ECRG4: variants seen among roughly 807,000 people sequenced by gnomAD.
The protein encoded by ECRG4 is ECRG4 augurin precursor.
In ECRG4, 18 loss-of-function variants were observed where a neutral mutation model predicts 15.8. The ratio of observed to expected loss-of-function variants is 1.14; its 90% CI spans 0.79 to 1.69. ECRG4 has a LOEUF of 1.69. ECRG4 is among the 40% of genes most tolerant of loss of function. The pLI is 0.00. For synonymous variants in ECRG4, 82 were observed against 73.9 expected (o/e 1.11, Z -0.56); for missense variants, 200 against 190.9 (o/e 1.05, Z -0.28).
intron 1 of ECRG4, among the ~76,000 whole-genome samples, chr2:106,071,377 A>G (rs1309838759): frequency 4.2e-4 from 61 of 145,552 alleles, no homozygotes; most frequent in African/African-American, 8.7e-4. Flanking sequence ...AAAAGAAAAT[A>G]AAAAAAAAAT....
upstream of ECRG4, chr2:106,065,545 G>A (rs1019590949): frequency 5.3e-6 from 2 of 380,362 alleles, no homozygotes; most frequent in Non-Finnish European, 9.3e-6. Context: ...TTGGGGCCGG[G>A]GCGGGAGAGA....
At chr2:106,071,914 A>G (rs1676380578) in intron 2 of ECRG4, 23 bp downstream of exon 2, 2 of 1,597,304 alleles carry the variant, frequency 1.3e-6, no homozygotes, top group Non-Finnish European at 1.7e-6. Flanking sequence ...CAAATGGATA[A>G]GGGATGCATT....
At chr2:106,067,150 G>T (rs932281213) in intron 1 of ECRG4, among the ~76,000 whole-genome samples, 1 of 138,068 alleles carries the variant, frequency 7.2e-6, no homozygotes, top group African/African-American at 2.7e-5. Flanking sequence ...AAAAATGCCA[G>T]ACGTGATGGC....
intron 3 of ECRG4, 46 bp from the exon 4 acceptor site, chr2:106,077,719 C>A: frequency 1.9e-6 from 3 of 1,571,148 alleles, no homozygotes; most frequent in Non-Finnish European, 2.6e-6. Context: ...TAGGGGACTG[C>A]ATGACCTTAA....
At chr2:106,071,322 TAAAAAAAAAAAAAAAAAA>T (rs10649647) in intron 1 of ECRG4, among the ~76,000 whole-genome samples, 1 of 78,328 alleles carries the variant, frequency 1.3e-5, no homozygotes, top group Admixed American at 1.3e-4. Flanking sequence ...GGTAAGGCTG[TAAAAAAAAAAAAAAAAAA>T]AAAAAAAAAA....
intron 3 of ECRG4, among the ~76,000 whole-genome samples, chr2:106,074,682 C>T (rs554142904): frequency 6.6e-6 from 1 of 152,338 alleles, no homozygotes. Context: ...ATAGATGCTG[C>T]CGCATGGGCA....
chr2:106,065,606 G>A, upstream of ECRG4: 1 of 476,462 alleles, frequency 2.1e-6, no homozygotes. Flanking sequence ...TTGGCCCTCA[G>A]CCCTCTGGCG....
intron 1 of ECRG4, among the ~76,000 whole-genome samples, chr2:106,068,021 T>G (rs1676261961): frequency 1.3e-5 from 2 of 150,664 alleles, no homozygotes; most frequent in Admixed American, 1.3e-4. Flanking sequence ...TTTCTTTTAA[T>G]TTTTAGTAGA....
At chr2:106,065,883 G>T in intron 1 of ECRG4, 40 bp downstream of exon 1, 2 of 1,449,936 alleles carry the variant, frequency 1.4e-6, no homozygotes, top group Non-Finnish European at 1.8e-6. Context: ...AGCGGCACCA[G>T]GGGTTGGCCC....
chr2:106,073,021 A>T, intron 2 of ECRG4, among the ~76,000 whole-genome samples: 1 of 151,548 alleles, frequency 6.6e-6, no homozygotes, highest in East Asian at 1.9e-4. Context: ...ACAAACAAAA[A>T]CCCCTGCTGG....
At chr2:106,071,322 T>TAAAAAAAAAAAAAAAAAAAAAAAAAAA (rs10649647) in intron 1 of ECRG4, among the ~76,000 whole-genome samples, 83 of 78,318 alleles carry the variant, frequency 1.1e-3, no homozygotes, top group African/African-American at 1.7e-3. Context: ...GGTAAGGCTG[T>TAAAAAAAAAAAAAAAAAAAAAAAAAAA]AAAAAAAAAA....
upstream of ECRG4, among the ~76,000 whole-genome samples, chr2:106,065,294 G>A (rs912836062): frequency 6.6e-6 from 1 of 151,512 alleles, no homozygotes; most frequent in African/African-American, 2.4e-5. Flanking sequence ...CGGCTGGGGC[G>A]GGCGGAGGAA....
intron 1 of ECRG4, among the ~76,000 whole-genome samples, chr2:106,071,226 T>A (rs1177443645): frequency 1.3e-5 from 2 of 149,862 alleles, no homozygotes; most frequent in Non-Finnish European, 3.0e-5. Flanking sequence ...CCGTGGATCC[T>A]CTCTTCTTCT....
intron 2 of ECRG4, 77 bp from the exon 3 acceptor site, chr2:106,073,809 T>C (rs1448916567): frequency 1.9e-6 from 3 of 1,545,630 alleles, no homozygotes; most frequent in Non-Finnish European, 2.7e-6. Flanking sequence ...GGGGATGGGA[T>C]GTATAACAGG....
chr2:106,077,994 C>T lies in ECRG4; in HGVS notation c.*68C>T, dbSNP rs1042504205. The T allele has an allele frequency of 6.9e-7, 1 of 1,443,464 alleles. No homozygotes were observed. The highest frequency in any genetic ancestry group is 2.4e-5 in the East Asian group (1 of 41,262). The allele number at this position is 1,443,464 out of a possible 1,614,324, so 89.4% of individuals were successfully genotyped here. A position where few individuals can be genotyped will look rare whatever the true frequency, so the allele number is the denominator to read the frequency against. ...TCTTCATGTATCTCCTAATGCCTTA[C>T]ACTACTTGGTTTCTGATTTGCTCTA... On this transcript the variant is annotated 3_prime_UTR_variant, in exon 4 of 4. Coordinates refer to ENST00000238044, the MANE Select transcript of ECRG4 (RefSeq NM_032411.3).
Position 106,065,825 on chromosome 2 carries a change from C to A in ECRG4, c.61C>A (p.Leu21Ile), listed in dbSNP as rs1185767694. 6.7e-7 allele frequency: 1 copy of A among 1,485,734 alleles called. No individual in the cohort carries two copies. Among genetic ancestry groups the A allele is most frequent in the Admixed American group, 2.4e-5 (1 of 42,338 alleles). The allele number at this position is 1,485,734 out of a possible 1,614,324, so 92.0% of individuals were successfully genotyped here. ...LALTGLALLL[L>I]LCWGPGGISG... is the part of the protein sequence containing the mutation. Reference sequence around the variant, plus strand: ...CCTGACCGGGCTGGCGCTGCTCCTGCTCCTGTGCTGGGGCCCAGGTGAGCG... The same window carrying A: ...CCTGACCGGGCTGGCGCTGCTCCTGATCCTGTGCTGGGGCCCAGGTGAGCG... Residue 21 changes from leucine to isoleucine, a missense_variant, in exon 1 of 4, where the codon CTC (leucine) becomes ATC (isoleucine). By Grantham distance (5) the Leu-to-Ile change is conservative (BLOSUM62 2). Transcript: ENST00000238044.
At chr2:106,066,026 G>T (rs1419623930) in intron 1 of ECRG4, among the ~76,000 whole-genome samples, 183 bp downstream of exon 1, 1 of 152,246 alleles carries the variant, frequency 6.6e-6, no homozygotes, top group Non-Finnish European at 1.5e-5. Flanking sequence ...GCACAAGTGC[G>T]AAGTGGTGCC....
intron 1 of ECRG4, chr2:106,071,033 G>A (rs1390082043): frequency 2.1e-6 from 1 of 470,886 alleles, no homozygotes; most frequent in East Asian, 7.0e-5. Context: ...TGATTGAGCT[G>A]ATCAGAAACA....
upstream of ECRG4, chr2:106,065,600 C>T (rs1676191065): frequency 4.4e-6 from 2 of 456,226 alleles, no homozygotes; most frequent in Non-Finnish European, 7.5e-6. Flanking sequence ...AGCCGCTTGG[C>T]CCTCAGCCCT....
Sources: allele counts gnomAD v4.1 joint callset (sites outside exome capture counted in the v4.1 genomes callset), GRCh38; gene constraint gnomAD v4.1.1; transcripts MANE v1.5; gene names NCBI Gene and HGNC (gene_info 2026-07-23, HGNC 2026-07-21).